Variants in RNF19A observed in about 807,000 individuals in gnomAD.
RNF19A encodes the protein ring finger protein 19A, RBR E3 ubiquitin protein ligase, also known as E3 ubiquitin-protein ligase RNF19A.
A neutral mutation model predicts 75.7 loss-of-function variants in RNF19A; 32 were observed. That is an observed-to-expected ratio of 0.42 (90% CI 0.32 to 0.57). RNF19A has a LOEUF of 0.57. RNF19A is among the 20% of genes least tolerant of loss of function. RNF19A has a pLI of 0.10. For missense variants in RNF19A, 782 were observed against 1,036.3 expected (o/e 0.75, Z 3.37); for synonymous variants, 335 against 345.2 (o/e 0.97, Z 0.33).
intron 2 of RNF19A, among the ~76,000 whole-genome samples, chr8:100,281,676 G>A (rs1820788223): frequency 6.6e-6 from 1 of 152,130 alleles, no homozygotes; most frequent in Non-Finnish European, 1.5e-5. Flanking sequence ...AAAAGAGAAT[G>A]AAGAAAAAGT....
chr8:100,277,499 A>G (rs1258928590), intron 2 of RNF19A, among the ~76,000 whole-genome samples: 1 of 152,136 alleles, frequency 6.6e-6, no homozygotes, highest in South Asian at 2.1e-4. Context: ...TTTTTAGTAG[A>G]GACGGGGTTT....
chr8:100,288,942 C>A (rs958500739), intron 1 of RNF19A, among the ~76,000 whole-genome samples: 6 of 151,810 alleles, frequency 4.0e-5, no homozygotes, highest in Admixed American at 2.0e-4. Flanking sequence ...CCCCTGTAGT[C>A]CCAGCTATTC....
intron 3 of RNF19A, among the ~76,000 whole-genome samples, chr8:100,270,734 T>C (rs1820217195): frequency 6.6e-6 from 1 of 152,150 alleles, no homozygotes; most frequent in Non-Finnish European, 1.5e-5. Context: ...GCAATCATTG[T>C]TAGTTATGCT....
At position 100,322,953 on chromosome 8, in the gene RNF19A, C is replaced by G. The variant is rs545722829; in HGVS notation, c.-242-9581G>C. ...GATCACTGATTACAGATCACCATAA[C>G]AGATATAATAATAACTTAAAAGTTT... On this transcript the variant is annotated intron_variant, in intron 1 of 3. Transcript: ENST00000519527. This position sits in a 1 kb window ranked among gnomAD's most constrained non-coding sequence, Gnocchi z 5.1. Among the ~76,000 whole-genome samples, 17 of 152,220 alleles carry G rather than the reference C, an allele frequency of 1.1e-4. No homozygotes were observed. The South Asian group carries it at 3.5e-3, about 32-fold the overall frequency.
intron 3 of RNF19A, among the ~76,000 whole-genome samples, chr8:100,274,629 C>T (rs529118611): frequency 1.3e-5 from 2 of 152,120 alleles, no homozygotes; most frequent in Non-Finnish European, 2.9e-5. Flanking sequence ...AAGTGGTCGG[C>T]CCGCCTCAGC....
In RNF19A at chr8:100,259,344, A is replaced by G. The variant is rs374226392; in HGVS notation, c.1827-98T>C. On this transcript the variant is annotated intron_variant, in intron 9 of 9. Coordinates refer to ENST00000341084, the MANE Select transcript of RNF19A (RefSeq NM_183419.4). The surrounding 1 kb of genome is among the most constrained non-coding windows in gnomAD (Gnocchi z 4.5). ...TCTATGTGGAAAATTCAGACTATAT[A>G]TAAGCTATGAGAACACCTTAACGCA... The G allele has an allele frequency of 4.7e-4, 437 of 928,816 alleles. 2 individuals are homozygous for G. Among genetic ancestry groups the G allele is most frequent in the Middle Eastern group, 1.7e-3 (6 of 3,598 alleles). 57.5% of individuals were successfully genotyped at this position (928,816 alleles called of 1,614,324 possible).
rs1457630425 is a variant in RNF19A at position 100,257,740 on chromosome 8, A to G, written c.*816T>C. On this transcript the variant is annotated 3_prime_UTR_variant, in exon 10 of 10. Coordinates refer to ENST00000341084, the MANE Select transcript of RNF19A (RefSeq NM_183419.4). ...TCAAATAACTAGGCCATTAAAACCC[A>G]GTCGATCCCAAAGGCACCAAGAATC... 1 of 333,534 alleles carries G rather than the reference A, an allele frequency of 3.0e-6. No individual in the cohort carries two copies. The highest frequency in any genetic ancestry group is 2.1e-5 in the African/African-American group (1 of 47,256). The allele number at this position is 333,534 out of a possible 1,614,324, so 20.7% of individuals were successfully genotyped here. A position where few individuals can be genotyped will look rare whatever the true frequency, so the allele number is the denominator to read the frequency against.
At chr8:100,316,727 A>G (rs977659782) in intron 1 of RNF19A, among the ~76,000 whole-genome samples, 1 of 152,232 alleles carries the variant, frequency 6.6e-6, no homozygotes, top group Non-Finnish European at 1.5e-5. Flanking sequence ...ATCCCGCACC[A>G]GGGCTGCAGT....
chr8:100,258,549 T>G lies in RNF19A; in HGVS notation c.*7A>C, dbSNP rs1819555949. On this transcript the variant is annotated 3_prime_UTR_variant, in exon 10 of 10. Transcript: ENST00000341084. This position sits in a 1 kb window ranked among gnomAD's most constrained non-coding sequence, Gnocchi z 4.3. The stretch of plus-strand genomic sequence containing the variant: ...ACAGTGGTAATTATTCTGCAGCATT[T>G]ATGGGCCTAAATTTCAGTCTGAATT... 1.9e-6 allele frequency: 3 copies of G among 1,596,796 alleles called. No individual in the cohort carries two copies. Among genetic ancestry groups the G allele is most frequent in the Non-Finnish European group, 2.6e-6 (3 of 1,169,986 alleles).
chr8:100,262,892 G>A (rs1287101575), intron 7 of RNF19A, among the ~76,000 whole-genome samples: 1 of 152,140 alleles, frequency 6.6e-6, no homozygotes, highest in Non-Finnish European at 1.5e-5. Flanking sequence ...TGTAGGACAA[G>A]AGGGAAAAGA....
chr8:100,305,371 GAA>G (rs1275621874), intron 1 of RNF19A, among the ~76,000 whole-genome samples: 1 of 152,170 alleles, frequency 6.6e-6, no homozygotes, highest in Admixed American at 6.5e-5. Flanking sequence ...CAATCAGTTA[GAA>G]AAAGACTACA....
At chr8:100,286,579 T>A (rs879469373) in intron 2 of RNF19A, among the ~76,000 whole-genome samples, 6 of 152,224 alleles carry the variant, frequency 3.9e-5, no homozygotes, top group Non-Finnish European at 8.8e-5. Flanking sequence ...TTAGATGCGA[T>A]CTGAAAATTC....
At chr8:100,273,885 T>C (rs1563841500) in intron 3 of RNF19A, among the ~76,000 whole-genome samples, 2 of 152,104 alleles carry the variant, frequency 1.3e-5, no homozygotes, top group Non-Finnish European at 1.5e-5. Flanking sequence ...TGGGTTCAAG[T>C]GATTCTCCTG....
chr8:100,301,095 C>T (rs1239685308), intron 1 of RNF19A, among the ~76,000 whole-genome samples: 2 of 152,200 alleles, frequency 1.3e-5, no homozygotes, highest in Non-Finnish European at 2.9e-5. Context: ...TCCCATGAGG[C>T]TATTTAAATT....
At chr8:100,276,158 A>G (rs888257241) in intron 2 of RNF19A, among the ~76,000 whole-genome samples, 5 of 152,220 alleles carry the variant, frequency 3.3e-5, no homozygotes, top group African/African-American at 1.2e-4. Flanking sequence ...CTAATGTTCA[A>G]AGCAGCCTTA....
intron 1 of RNF19A, chr8:100,300,555 AG>A (rs1421888890): frequency 6.6e-6 from 1 of 152,234 alleles, no homozygotes; most frequent in Non-Finnish European, 1.5e-5. Flanking sequence ...TGGAAGGCTG[AG>A]GTGGCAGGGT....
In RNF19A at chr8:100,264,497, A is replaced by G. The variant is rs1819878223; in HGVS notation, c.1306+174T>C. The G allele has an allele frequency of 3.3e-6, 2 of 598,180 alleles. No individual in the cohort carries two copies. The highest frequency in any genetic ancestry group is 6.4e-5 in the Admixed American group (2 of 31,172). The allele number at this position is 598,180 out of a possible 1,614,324, so 37.1% of individuals were successfully genotyped here. On this transcript the variant is annotated intron_variant, in intron 6 of 9. Transcript: ENST00000341084. The surrounding 1 kb of genome is among the most constrained non-coding windows in gnomAD (Gnocchi z 4.7). ...GGGAGGAAGGGTATCAGCCACTAAC[A>G]ATTTACCAACTACTTTAAGGCTAGG...
chr8:100,265,758 G>A (rs979570401), intron 5 of RNF19A, among the ~76,000 whole-genome samples: 1 of 152,180 alleles, frequency 6.6e-6, no homozygotes, highest in African/African-American at 2.4e-5. Flanking sequence ...AGGTTGGGGT[G>A]GGAGGTGGGT....
intron 1 of RNF19A, among the ~76,000 whole-genome samples, chr8:100,296,542 G>T (rs970251834): frequency 1.3e-5 from 2 of 152,150 alleles, no homozygotes; most frequent in Non-Finnish European, 2.9e-5. Flanking sequence ...GCATGGACTG[G>T]CTTCAGAGAA....
Sources: gnomAD v4.1 joint callset for allele counts (sites outside exome capture counted in the v4.1 genomes callset) on GRCh38, gnomAD v4.1.1 for gene constraint, Gnocchi (gnomAD v3.1) non-coding constraint, MANE v1.5 for transcripts, NCBI Gene and HGNC (gene_info 2026-07-23, HGNC 2026-07-21) for gene names.